Variants in FBRSL1 observed in about 807,000 individuals in gnomAD.
FBRSL1 encodes the protein fibrosin like 1, also known as fibrosin-1-like protein.
A neutral mutation model predicts 89.6 loss-of-function variants in FBRSL1; 51 were observed. The ratio of observed to expected loss-of-function variants is 0.57; its 90% CI spans 0.45 to 0.72. The LOEUF (loss-of-function observed/expected upper bound fraction) is 0.72, where lower values mean the gene tolerates loss of function less well. Among genes scored for constraint, FBRSL1 ranks in the 30% least tolerant of loss-of-function variants. The pLI, the probability that FBRSL1 is intolerant of heterozygous loss-of-function variation, is 0.00. For missense variants in FBRSL1, 1,618 were observed against 1,451.8 expected, an observed-to-expected ratio of 1.11 and a Z score of -1.86; for synonymous variants, 779 against 681.1, an observed-to-expected ratio of 1.14 and a Z score of -2.24.
At chr12:132,534,585 T>C (rs886302941) in intron 4 of FBRSL1, among the ~76,000 whole-genome samples, 1 of 152,242 alleles carries the variant, frequency 6.6e-6, no homozygotes, top group Admixed American at 6.5e-5. Context: ...GGGCACGCGC[T>C]CTTTTATCTC....
intron 5 of FBRSL1, among the ~76,000 whole-genome samples, chr12:132,557,925 G>C (rs1476277006): frequency 2.0e-5 from 3 of 152,206 alleles, no homozygotes; most frequent in South Asian, 2.1e-4. Flanking sequence ...CGAGTCCCCA[G>C]AGCAGGGCCT....
Position 132,572,987 on chromosome 12 carries a change from C to T in FBRSL1, c.1530+365C>T, listed in dbSNP as rs531295324. Reference sequence around the variant, plus strand: ...GCAAGGAGGTTCTTACGGGGCCATCCACACTGCGAGGAGGTTCTTACGGGG... The same window carrying T: ...GCAAGGAGGTTCTTACGGGGCCATCTACACTGCGAGGAGGTTCTTACGGGG... On this transcript the variant is annotated intron_variant, in intron 11 of 18. Coordinates refer to ENST00000680143, the MANE Select transcript of FBRSL1 (RefSeq NM_001367871.1). Among the ~76,000 whole-genome samples the T allele has an allele frequency of 2.0e-5, 3 of 152,298 alleles. No individual in the cohort carries two copies. The South Asian group carries it at 6.2e-4, about 32-fold the overall frequency.
intron 9 of FBRSL1, chr12:132,571,494 G>A: frequency 6.5e-7 from 1 of 1,535,508 alleles, no homozygotes; most frequent in Non-Finnish European, 8.8e-7. Context: ...CCGCAGGGCT[G>A]CCCCCGACGC....
At chr12:132,491,111 C>T (rs926601050) in intron 1 of FBRSL1, among the ~76,000 whole-genome samples, 6 of 152,232 alleles carry the variant, frequency 3.9e-5, no homozygotes. Flanking sequence ...GCAAAAAAAT[C>T]TACGCTTCGA....
intron 2 of FBRSL1, among the ~76,000 whole-genome samples, chr12:132,515,481 A>G (rs2034752973): frequency 6.6e-6 from 1 of 151,560 alleles, no homozygotes; most frequent in Non-Finnish European, 1.5e-5. Context: ...TTGTGCTTAT[A>G]TGGGAAAAGA....
At position 132,528,005 on chromosome 12, in the gene FBRSL1, C is replaced by T. The variant is rs1475971697; in HGVS notation, c.615+17C>T. The T allele has an allele frequency of 2.6e-6, 4 of 1,550,956 alleles. No individual in the cohort carries two copies. Among genetic ancestry groups the T allele is most frequent in the Non-Finnish European group, 2.6e-6 (3 of 1,146,496 alleles). ...GGCTACTCTGTAAGTCTCCCAGCACCCCTCCTCCATCTTTGTCCCCCTGGG... is the reference window on the plus strand; with the variant it reads ...GGCTACTCTGTAAGTCTCCCAGCACTCCTCCTCCATCTTTGTCCCCCTGGG... On this transcript the variant is annotated intron_variant, in intron 4 of 18. Coordinates refer to ENST00000680143, the MANE Select transcript of FBRSL1 (RefSeq NM_001367871.1).
intron 10 of FBRSL1, 46 bp from the exon 11 acceptor site, chr12:132,572,481 G>A (rs1350661778): frequency 8.6e-6 from 13 of 1,503,348 alleles, no homozygotes; most frequent in Admixed American, 5.9e-5. Flanking sequence ...CAGAGGGTGG[G>A]GTGAGGACTT....
chr12:132,527,695 G>C (rs1197039024), intron 3 of FBRSL1, among the ~76,000 whole-genome samples: 1 of 148,826 alleles, frequency 6.7e-6, no homozygotes, highest in Non-Finnish European at 1.5e-5. Context: ...AGGGTTGTGG[G>C]CTGCGGGGCT....
intron 5 of FBRSL1, chr12:132,565,636 T>C (rs2137759631): frequency 6.6e-6 from 1 of 152,342 alleles, no homozygotes; most frequent in South Asian, 2.1e-4. Context: ...CCCATGTACG[T>C]GTACCCGAGT....
At chr12:132,540,640 C>T (rs1437376112) in intron 4 of FBRSL1, among the ~76,000 whole-genome samples, 1 of 152,142 alleles carries the variant, frequency 6.6e-6, no homozygotes, top group East Asian at 1.9e-4. Flanking sequence ...TGCCAGCCAT[C>T]CCGTGGGCTT....
rs547788340 is a variant in FBRSL1, at chr12:132,499,603, C to A, written c.292-8550C>A. Among the ~76,000 whole-genome samples, 1 of 151,796 alleles carries A rather than the reference C, an allele frequency of 6.6e-6. No homozygotes were observed. Among genetic ancestry groups the A allele is most frequent in the Non-Finnish European group, 1.5e-5 (1 of 67,964 alleles). ...CAGGCTGTGAGGGGCAGCACCGTGG[C>A]GTGGCGGTTCCCGAGAGCCCGTCAG... On this transcript the variant is annotated intron_variant, in intron 1 of 18. Transcript: ENST00000680143. This position sits in a 1 kb window ranked among gnomAD's most constrained non-coding sequence, Gnocchi z 4.3.
chr12:132,526,160 G>A (rs559396126), intron 3 of FBRSL1, among the ~76,000 whole-genome samples: 13 of 152,258 alleles, frequency 8.5e-5, no homozygotes, highest in East Asian at 3.8e-4. Flanking sequence ...AGGCCAAAAC[G>A]TTAAGCCTTG....
chr12:132,543,970 G>GAC (rs1364486110), intron 4 of FBRSL1, among the ~76,000 whole-genome samples: 1 of 152,202 alleles, frequency 6.6e-6, no homozygotes, highest in East Asian at 1.9e-4. Flanking sequence ...GCCGCTGAGT[G>GAC]GTCTGGAACC....
At chr12:132,577,912 TACAC>T (rs1258770444) in intron 15 of FBRSL1, among the ~76,000 whole-genome samples, 3 of 151,986 alleles carry the variant, frequency 2.0e-5, no homozygotes, top group East Asian at 1.9e-4. Context: ...CATACACAGT[TACAC>T]ACAGTTACAC....
intron 4 of FBRSL1, among the ~76,000 whole-genome samples, chr12:132,535,409 T>A (rs1373570114): frequency 6.6e-6 from 1 of 152,032 alleles, no homozygotes; most frequent in African/African-American, 2.4e-5. Context: ...TGTGGGGACG[T>A]AGAGGGAGAG....
At chr12:132,559,929 C>A in intron 5 of FBRSL1, 1 of 148,514 alleles carries the variant, frequency 6.7e-6, no homozygotes, top group South Asian at 1.9e-4. Context: ...GCCCGCGCCC[C>A]GCCCCCGCCC....
At chr12:132,549,898 T>C (rs931447388) in intron 5 of FBRSL1, among the ~76,000 whole-genome samples, 9 of 151,128 alleles carry the variant, frequency 6.0e-5, no homozygotes, top group African/African-American at 2.2e-4. Context: ...TGAAAGAGGG[T>C]TCTAGAATGG....
chr12:132,519,022 A>C (rs955982145), intron 2 of FBRSL1, among the ~76,000 whole-genome samples: 1 of 152,240 alleles, frequency 6.6e-6, no homozygotes, highest in Non-Finnish European at 1.5e-5. Flanking sequence ...TCTGAATCAC[A>C]ATAGAAGAAG....
At chr12:132,531,390 T>C (rs1030351234) in intron 4 of FBRSL1, among the ~76,000 whole-genome samples, 2 of 151,802 alleles carry the variant, frequency 1.3e-5, no homozygotes, top group East Asian at 1.9e-4. Flanking sequence ...TGCATGTGTG[T>C]ATGTGTGTGT....
Sources: gnomAD v4.1 joint callset for allele counts (sites outside exome capture counted in the v4.1 genomes callset) on GRCh38, gnomAD v4.1.1 for gene constraint, Gnocchi (gnomAD v3.1) non-coding constraint, MANE v1.5 for transcripts, NCBI Gene and HGNC (gene_info 2026-07-23, HGNC 2026-07-21) for gene names.